The following HIVEP3 variants were observed in gnomAD, a reference collection of about 807,000 sequenced individuals.
The protein encoded by HIVEP3 is transcription factor HIVEP3.
In HIVEP3, 49 loss-of-function variants were observed where a neutral mutation model predicts 152.8. The observed-to-expected ratio is 0.32, with a 90% CI of 0.26 to 0.41. HIVEP3 has a LOEUF of 0.41. Among genes scored for constraint, HIVEP3 ranks in the 10% least tolerant of loss-of-function variants. The pLI is 1.00. For synonymous variants in HIVEP3, 1,269 were observed against 1,289.0 expected (o/e 0.98, Z 0.33); for missense variants, 2,790 against 3,103.3 (o/e 0.90, Z 2.40).
chr1:41,678,059 T>C (rs1056405821), intron 2 of HIVEP3, among the ~76,000 whole-genome samples: 1 of 152,150 alleles, frequency 6.6e-6, no homozygotes, highest in African/African-American at 2.4e-5. Flanking sequence ...TGGAGAGCAA[T>C]TCTAAAAAAA....
chr1:41,516,250 G>A (rs1642602958), intron 7 of HIVEP3, among the ~76,000 whole-genome samples: 1 of 147,856 alleles, frequency 6.8e-6, no homozygotes, highest in East Asian at 2.0e-4. Context: ...CGCGGCGGGC[G>A]CCGCTGGGAG....
At chr1:41,663,972 C>T (rs1645756992) in intron 2 of HIVEP3, among the ~76,000 whole-genome samples, 1 of 152,190 alleles carries the variant, frequency 6.6e-6, no homozygotes, top group Non-Finnish European at 1.5e-5. Flanking sequence ...CCCCACGGAC[C>T]AGCTGCATCT....
intron 1 of HIVEP3, among the ~76,000 whole-genome samples, chr1:41,827,175 C>T (rs1238821695): frequency 3.9e-5 from 6 of 152,282 alleles, no homozygotes; most frequent in Admixed American, 3.3e-4. Context: ...AACAGGTAAG[C>T]GACATGAACC....
chr1:41,752,321 C>A (rs1162688818), intron 1 of HIVEP3, among the ~76,000 whole-genome samples: 1 of 152,214 alleles, frequency 6.6e-6, no homozygotes, highest in Non-Finnish European at 1.5e-5. Flanking sequence ...TTCTGGGGAG[C>A]CCTCACTGAA....
intron 1 of HIVEP3, among the ~76,000 whole-genome samples, chr1:41,863,640 C>T (rs1156448805): frequency 6.6e-6 from 1 of 152,200 alleles, no homozygotes; most frequent in East Asian, 1.9e-4. Context: ...AGCGGAGGTG[C>T]GGGCAGCACA....
rs114934627 is a variant in HIVEP3, at chr1:41,553,952, G to A, written c.5207+21592C>T. ...TATTTTTTCCTTCATTTCAAGCTTG[G>A]TGAATTATCAAATTGTGTGTCTTGG... On this transcript the variant is annotated intron_variant, in intron 5 of 8. Transcript: ENST00000372583. Among the ~76,000 whole-genome samples, 1,450 of 152,188 alleles carry A rather than the reference G, an allele frequency of 9.5e-3. 22 individuals are homozygous for A. The highest frequency in any genetic ancestry group is 0.033 in the African/African-American group (1,369 of 41,512).
intron 3 of HIVEP3, among the ~76,000 whole-genome samples, chr1:41,611,091 C>A (rs1034130193): frequency 1.3e-5 from 2 of 152,202 alleles, no homozygotes; most frequent in Non-Finnish European, 2.9e-5. Flanking sequence ...AGAAGGGTGA[C>A]CCTTTGAGAA....
At chr1:41,611,853 T>G (rs1644902742) in intron 3 of HIVEP3, among the ~76,000 whole-genome samples, 1 of 152,208 alleles carries the variant, frequency 6.6e-6, no homozygotes, top group Admixed American at 6.5e-5. Flanking sequence ...ACATTCTGGA[T>G]GCTTCTCCCT....
At chr1:41,644,693 CTTT>C (rs60511656) in intron 2 of HIVEP3, among the ~76,000 whole-genome samples, 6 of 74,738 alleles carry the variant, frequency 8.0e-5, no homozygotes, top group East Asian at 9.6e-4. Flanking sequence ...CATATCTGTT[CTTT>C]TTTTTTTTTT....
intron 1 of HIVEP3, among the ~76,000 whole-genome samples, chr1:42,027,657 C>T (rs1017943673): frequency 6.6e-6 from 1 of 152,056 alleles, no homozygotes; most frequent in Non-Finnish European, 1.5e-5. Context: ...TTCATGCTGC[C>T]GATAAAGACA....
At chr1:41,888,501 C>G (rs1052647415) in intron 1 of HIVEP3, among the ~76,000 whole-genome samples, 1 of 151,664 alleles carries the variant, frequency 6.6e-6, no homozygotes, top group Non-Finnish European at 1.5e-5. Context: ...GAGGGACAGC[C>G]CAGCTGAGAA....
intron 1 of HIVEP3, among the ~76,000 whole-genome samples, chr1:41,722,404 C>CCTGCCTTG (rs1272282357): frequency 0.16 from 9,051 of 57,864 alleles, 799 homozygotes; most frequent in African/African-American, 0.4. Context: ...ATTTGGCTGG[C>CCTGCCTTG]CTTCCTTCCT....
At chr1:41,539,718 C>T (rs370776382) in intron 5 of HIVEP3, among the ~76,000 whole-genome samples, 10 of 152,234 alleles carry the variant, frequency 6.6e-5, no homozygotes, top group South Asian at 2.1e-4. Context: ...ATGTGCCACA[C>T]GCTTTCCGTA....
At chr1:41,724,654 G>C (rs1646726735) in intron 1 of HIVEP3, among the ~76,000 whole-genome samples, 1 of 152,234 alleles carries the variant, frequency 6.6e-6, no homozygotes. Flanking sequence ...CTCCACGTCA[G>C]TGAGACGTGA....
In HIVEP3 at chr1:41,918,277, C is replaced by T. The variant is rs549006097; in HGVS notation, c.-801+136G>A. 1 of 153,878 alleles carries T rather than the reference C, an allele frequency of 6.5e-6. No homozygotes were observed. Among genetic ancestry groups the T allele is most frequent in the African/African-American group, 2.4e-5 (1 of 41,490 alleles). 9.5% of individuals were successfully genotyped at this position (153,878 alleles called of 1,614,324 possible). On this transcript the variant is annotated intron_variant, in intron 1 of 8. Coordinates refer to ENST00000372583, the MANE Select transcript of HIVEP3 (RefSeq NM_024503.5). This position sits in a 1 kb window ranked among gnomAD's most constrained non-coding sequence, Gnocchi z 4.3. Reference sequence around the variant, plus strand: ...GCGTCTCGGCAGCCGGACACCTTGCCTAAGAAAGGCATACACAAAATGGAA... The same window carrying T: ...GCGTCTCGGCAGCCGGACACCTTGCTTAAGAAAGGCATACACAAAATGGAA...
chr1:41,533,791 C>T lies in HIVEP3; in HGVS notation c.5208-8881G>A, dbSNP rs1435740868. Among the ~76,000 whole-genome samples, 1 of 152,016 alleles carries T rather than the reference C, an allele frequency of 6.6e-6. No homozygotes were observed. Among genetic ancestry groups the T allele is most frequent in the Non-Finnish European group, 1.5e-5 (1 of 68,020 alleles). ...CCCTCCACCTGGGTGCTGATGGCCCCCAGCCACTTCTCTCTCGAGTTCCGA... is the reference window on the plus strand; with the variant it reads ...CCCTCCACCTGGGTGCTGATGGCCCTCAGCCACTTCTCTCTCGAGTTCCGA... On this transcript the variant is annotated intron_variant, in intron 5 of 8. Transcript: ENST00000372583. This position sits in a 1 kb window ranked among gnomAD's most constrained non-coding sequence, Gnocchi z 4.3.
intron 1 of HIVEP3, among the ~76,000 whole-genome samples, chr1:41,824,433 C>T (rs1321864990): frequency 6.6e-6 from 1 of 152,076 alleles, no homozygotes; most frequent in Non-Finnish European, 1.5e-5. Context: ...AAAGGTAATG[C>T]CTCCTTTTCA....
intron 3 of HIVEP3, among the ~76,000 whole-genome samples, chr1:41,624,807 T>C (rs1012649805): frequency 6.6e-6 from 1 of 152,192 alleles, no homozygotes; most frequent in Non-Finnish European, 1.5e-5. Flanking sequence ...CTGAAGACCA[T>C]TCTGTGGCTT....
intron 1 of HIVEP3, among the ~76,000 whole-genome samples, chr1:41,889,632 G>C (rs1427173384): frequency 6.6e-6 from 1 of 152,204 alleles, no homozygotes; most frequent in Non-Finnish European, 1.5e-5. Flanking sequence ...GAGTATGAAA[G>C]CCCGGCAGGG....
Sources: gnomAD v4.1 joint callset for allele counts (sites outside exome capture counted in the v4.1 genomes callset) on GRCh38, gnomAD v4.1.1 for gene constraint, Gnocchi (gnomAD v3.1) non-coding constraint, MANE v1.5 for transcripts, NCBI Gene and HGNC (gene_info 2026-07-23, HGNC 2026-07-21) for gene names.